SRCIN1: variants seen among roughly 807,000 people sequenced by gnomAD.
SRCIN1 encodes the protein P130Cas-associated protein.
In SRCIN1, 50 loss-of-function variants were observed where a neutral mutation model predicts 116.2. That is an observed-to-expected ratio of 0.43 (90% confidence interval 0.34 to 0.54). SRCIN1 has a LOEUF of 0.54. SRCIN1 is among the 20% of genes least tolerant of loss of function. SRCIN1 has a pLI of 0.02. For synonymous variants in SRCIN1, 736 were observed against 750.0 expected (o/e 0.98, Z 0.30); for missense variants, 1,446 against 1,672.0 (o/e 0.86, Z 2.36).
intron 2 of SRCIN1, among the ~76,000 whole-genome samples, chr17:38,569,444 C>A (rs959445385): frequency 2.6e-5 from 4 of 152,198 alleles, no homozygotes; most frequent in African/African-American, 9.7e-5. Flanking sequence ...GGGGGAAGAA[C>A]ACCATGCCAG....
chr17:38,533,674 T>C (rs1902671544), intron 18 of SRCIN1, among the ~76,000 whole-genome samples: 1 of 142,262 alleles, frequency 7.0e-6, no homozygotes, highest in Admixed American at 7.3e-5. Flanking sequence ...GGCAGGCCCA[T>C]AGTTACTGAG....
rs970293303 is a variant in SRCIN1 at position 38,602,267 on chromosome 17, G to C, written c.22+3417C>G. 6.6e-6 allele frequency: 1 copy of C among 152,164 alleles called. No individual in the cohort carries two copies. The highest frequency in any genetic ancestry group is 1.5e-5 in the Non-Finnish European group (1 of 68,024). 9.4% of individuals were successfully genotyped at this position (152,164 alleles called of 1,614,324 possible). A position where few individuals can be genotyped will look rare whatever the true frequency, so the allele number is the denominator to read the frequency against. On this transcript the variant is annotated intron_variant, in intron 1 of 18. Transcript: ENST00000617146. This position sits in a 1 kb window ranked among gnomAD's most constrained non-coding sequence, Gnocchi z 4.2. ...AGCCAAATCCGAAGCCTTCATCTCCGCTACTCAGAGCTTGGAATGAAAGAA... is the reference window on the plus strand; with the variant it reads ...AGCCAAATCCGAAGCCTTCATCTCCCCTACTCAGAGCTTGGAATGAAAGAA...
Position 38,563,309 on chromosome 17 carries a change from CG to C in SRCIN1, c.740+13del, listed in dbSNP as rs1377041464. On this transcript the variant is annotated intron_variant, in intron 5 of 18. Coordinates refer to ENST00000617146, the MANE Select transcript of SRCIN1 (RefSeq NM_025248.3). This position sits in a 1 kb window ranked among gnomAD's most constrained non-coding sequence, Gnocchi z 5.8. ...TGGGGAAGCCCACCCAAATCCCCCC[CG>C]GTCCACGCCCACCGGACGTCCTCCA... 4 of 1,563,376 alleles carry C rather than the reference CG, an allele frequency of 2.6e-6. No homozygotes were observed. The highest frequency in any genetic ancestry group is 2.4e-5 in the South Asian group (2 of 84,664).
At position 38,551,233 on chromosome 17, in the gene SRCIN1, G is replaced by T; in HGVS notation, c.2884C>A (p.Pro962Thr). ...GGGGCCTTGGGGGGCTTGTGATCTGGAGTGGGGGCCGGGCCTGGATGGGCC... is the reference window on the plus strand; with the variant it reads ...GGGGCCTTGGGGGGCTTGTGATCTGTAGTGGGGGCCGGGCCTGGATGGGCC... ...SKAHPGPAPT[P>T]DHKPPKAPHG... The change falls in exon 15 of 19, where the codon CCA becomes ACA. Residue 962 changes from proline to threonine, a missense_variant. By Grantham distance (38) the Pro-to-Thr change is conservative. Around this residue, in one of 5 missense-constraint regions of SRCIN1, gnomAD observed 531 missense variants for 633.9 expected, o/e 0.84. Transcript: ENST00000617146. The T allele has an allele frequency of 6.2e-7, 1 of 1,610,412 alleles. No homozygotes were observed.
chr17:38,568,272 C>T lies in SRCIN1; in HGVS notation c.325-41G>A. ...AGAGAAGAGATGGTTATGAGGGGGCCCAGGAGGGGAAAAGAGGGGCAGGGG... is the reference window on the plus strand; with the variant it reads ...AGAGAAGAGATGGTTATGAGGGGGCTCAGGAGGGGAAAAGAGGGGCAGGGG... On this transcript the variant is annotated intron_variant, in intron 2 of 18. Transcript: ENST00000617146. This position sits in a 1 kb window ranked among gnomAD's most constrained non-coding sequence, Gnocchi z 4.5. 1 of 1,607,792 alleles carries T rather than the reference C, an allele frequency of 6.2e-7. No individual in the cohort carries two copies. The highest frequency in any genetic ancestry group is 1.7e-4 in the Middle Eastern group (1 of 6,050).
At chr17:38,581,433 GA>G (rs140182953) in intron 1 of SRCIN1, among the ~76,000 whole-genome samples, 42 of 106,662 alleles carry the variant, frequency 3.9e-4, no homozygotes, top group East Asian at 1.4e-3. Context: ...AAAGAAAAAA[GA>G]AAAAAAAAAG....
intron 3 of SRCIN1, among the ~76,000 whole-genome samples, chr17:38,565,101 T>A (rs1357786441): frequency 6.7e-6 from 1 of 150,034 alleles, no homozygotes; most frequent in African/African-American, 2.5e-5. Context: ...GGCTGATATC[T>A]GGCTGGGGGT....
At chr17:38,536,803 C>G (rs1904407592) in intron 18 of SRCIN1, among the ~76,000 whole-genome samples, 1 of 152,232 alleles carries the variant, frequency 6.6e-6, no homozygotes, top group African/African-American at 2.4e-5. Context: ...TTCCTTTCTC[C>G]TTGCCAGTGA....
At chr17:38,598,195 A>G (rs962797020) in intron 1 of SRCIN1, among the ~76,000 whole-genome samples, 3 of 152,074 alleles carry the variant, frequency 2.0e-5, no homozygotes, top group Admixed American at 2.0e-4. Context: ...GGCTGGGGAC[A>G]AGAATGGGGG....
In SRCIN1 at chr17:38,563,379, G is replaced by T. The variant is rs374196795; in HGVS notation, c.684C>A (p.Thr228=). The T allele has an allele frequency of 1.9e-6, 3 of 1,580,554 alleles. No homozygotes were observed. The highest frequency in any genetic ancestry group is 2.3e-5 in the South Asian group (2 of 85,862). ...LTMGMLKSPN[T]AILIKDEARN... ...GAGCCTCGTCTTTGATGAGGATGGC[G>T]GTATTGGGCGACTTAAGCATGCCCA... The change falls in exon 5 of 19, where the codon ACC becomes ACA. Residue 228 remains threonine, a synonymous_variant. Transcript: ENST00000617146. This position sits in a 1 kb window ranked among gnomAD's most constrained non-coding sequence, Gnocchi z 5.8.
At chr17:38,588,699 G>T (rs932815869) in intron 1 of SRCIN1, among the ~76,000 whole-genome samples, 3 of 152,190 alleles carry the variant, frequency 2.0e-5, no homozygotes, top group Non-Finnish European at 4.4e-5. Context: ...GTGCCCAGGG[G>T]GAAGCATATT....
At chr17:38,571,361 G>A (rs1907065060) in intron 2 of SRCIN1, among the ~76,000 whole-genome samples, 1 of 152,158 alleles carries the variant, frequency 6.6e-6, no homozygotes, top group South Asian at 2.1e-4. Flanking sequence ...AATAAAATAG[G>A]ACCGAGCCAT....
At chr17:38,600,713 C>A (rs533639115) in intron 1 of SRCIN1, among the ~76,000 whole-genome samples, 1 of 152,236 alleles carries the variant, frequency 6.6e-6, no homozygotes, top group African/African-American at 2.4e-5. Context: ...ATCAGGCCTC[C>A]GTGGGGTTCT....
At chr17:38,543,406 G>C (rs1473823454) in intron 18 of SRCIN1, among the ~76,000 whole-genome samples, 1 of 152,194 alleles carries the variant, frequency 6.6e-6, no homozygotes, top group African/African-American at 2.4e-5. Flanking sequence ...GAGAGAAACA[G>C]AGTGGCAGGA....
At chr17:38,576,331 G>A (rs925943222) in intron 2 of SRCIN1, among the ~76,000 whole-genome samples, 7 of 151,960 alleles carry the variant, frequency 4.6e-5, no homozygotes, top group African/African-American at 9.7e-5. Context: ...GGCCAGTCGC[G>A]ATGTCTGTTT....
intron 17 of SRCIN1, chr17:38,547,648 G>T: frequency 4.0e-6 from 1 of 248,514 alleles, no homozygotes; most frequent in South Asian, 3.3e-5. Context: ...GCCATGGTGG[G>T]ACTTGGGATG....
intron 2 of SRCIN1, among the ~76,000 whole-genome samples, chr17:38,569,968 G>A (rs1906970709): frequency 6.6e-6 from 1 of 152,122 alleles, no homozygotes; most frequent in Non-Finnish European, 1.5e-5. Flanking sequence ...CAGCGGTGAT[G>A]GACCGCTCTG....
chr17:38,562,805 C>T lies in SRCIN1; in HGVS notation c.834+22G>A, dbSNP rs573778450. 6.2e-6 allele frequency: 10 copies of T among 1,608,300 alleles called. No individual in the cohort carries two copies. The African/African-American group carries it at 1.1e-4, about 17-fold the overall frequency. ...CCCCATGTGCCCAGCCTCCCCAATG[C>T]CCTGGGCATGCCCAGCCATACCCGG... is the stretch of plus-strand genomic sequence containing the variant. On this transcript the variant is annotated intron_variant, in intron 6 of 18. Transcript: ENST00000617146. The surrounding 1 kb of genome is among the most constrained non-coding windows in gnomAD (Gnocchi z 4.2).
rs1028561246 is a variant in SRCIN1, at chr17:38,578,716, C to A, written c.98G>T (p.Gly33Val). ...GCCCCCGCTGCCCCCGCCGCCCCCG[C>A]CCCCCAGGGTCCGGTACTCCCGCGG... ...EYPREYRTLG[G>V]GGGGGSGGRR... The change falls in exon 2 of 19, where the codon GGC (glycine) becomes GTC (valine). Residue 33 changes from glycine to valine, a missense_variant. This residue lies in a region of SRCIN1 where 246 missense variants were observed against 265.1 expected (regional missense o/e 0.93). Transcript: ENST00000617146. 2.6e-6 allele frequency: 4 copies of A among 1,534,674 alleles called. No homozygotes were observed. The highest frequency in any genetic ancestry group is 3.5e-6 in the Non-Finnish European group (4 of 1,144,206).
Sources: allele counts gnomAD v4.1 joint callset (sites outside exome capture counted in the v4.1 genomes callset), GRCh38; gene constraint gnomAD v4.1.1; regional missense constraint gnomAD v4.1.1; non-coding constraint Gnocchi (gnomAD v3.1); transcripts MANE v1.5; gene names NCBI Gene and HGNC (gene_info 2026-07-23, HGNC 2026-07-21).